Variants in AACS observed in about 807,000 individuals in gnomAD.
AACS encodes acetoacetate-CoA ligase.
Under a neutral mutation model 83.1 loss-of-function variants are expected in AACS, and 69 were observed. That is an observed-to-expected ratio of 0.83 (90% CI 0.68 to 1.01). The LOEUF (loss-of-function observed/expected upper bound fraction) is 1.01, where lower values mean the gene tolerates loss of function less well. Among genes scored for constraint, AACS ranks in the 50% least tolerant of loss-of-function variants. AACS has a pLI of 0.00. For synonymous variants in AACS, 333 were observed against 343.4 expected, an observed-to-expected ratio of 0.97 and a Z score of 0.33; for missense variants, 866 against 882.2, an observed-to-expected ratio of 0.98 and a Z score of 0.23.
rs541934183 is a variant in AACS at position 125,074,433 on chromosome 12, C to T, written c.237+454C>T. Reference sequence around the variant, plus strand: ...GTGGTGGTGCATGCCTGTGGTCCCACCTACTCAGGAGGCTGAGGTGGGAGG... The same window carrying T: ...GTGGTGGTGCATGCCTGTGGTCCCATCTACTCAGGAGGCTGAGGTGGGAGG... On this transcript the variant is annotated intron_variant, in intron 2 of 17. Transcript: ENST00000316519. Among the ~76,000 whole-genome samples, 23 of 151,776 alleles carry T rather than the reference C, an allele frequency of 1.5e-4. 1 individual carries two copies. The highest frequency in any genetic ancestry group is 5.6e-4 in the African/African-American group (23 of 41,406).
At chr12:125,087,324 G>A (rs1373391494) in intron 4 of AACS, among the ~76,000 whole-genome samples, 2 of 152,216 alleles carry the variant, frequency 1.3e-5, no homozygotes, top group Non-Finnish European at 2.9e-5. Flanking sequence ...AGCAACTGAG[G>A]ATTTCCCACG....
At chr12:125,116,659 G>A (rs1592990938) in intron 9 of AACS, among the ~76,000 whole-genome samples, 1 of 152,140 alleles carries the variant, frequency 6.6e-6, no homozygotes, top group East Asian at 1.9e-4. Flanking sequence ...TAGAGATGGG[G>A]TTTCACCGTG....
chr12:125,100,295 G>A (rs193228402), intron 5 of AACS, among the ~76,000 whole-genome samples: 80 of 152,310 alleles, frequency 5.3e-4, no homozygotes, highest in Non-Finnish European at 4.4e-5. Context: ...ATGATTTTTG[G>A]TTTTGCTGGT....
rs1359026935 is a variant in AACS, at chr12:125,091,611, C to T, written c.570+88C>T. The T allele has an allele frequency of 1.7e-5, 23 of 1,356,000 alleles. No homozygotes were observed. In the Admixed American group the frequency reaches 2.1e-4, roughly 13 times the overall value. The allele number at this position is 1,356,000 out of a possible 1,614,324, so 84.0% of individuals were successfully genotyped here. Reference sequence around the variant, plus strand: ...GCATGGGCTGAATTCCCAGGGGAGCCGGACAGCAGCGTGAGCCCAGCGGGA... The same window carrying T: ...GCATGGGCTGAATTCCCAGGGGAGCTGGACAGCAGCGTGAGCCCAGCGGGA... On this transcript the variant is annotated intron_variant, in intron 5 of 17. Coordinates refer to ENST00000316519, the MANE Select transcript of AACS (RefSeq NM_023928.5).
At chr12:125,091,222 A>G in intron 4 of AACS, 1 of 603,580 alleles carries the variant, frequency 1.7e-6, no homozygotes. Flanking sequence ...CAGAGCATGG[A>G]GAATGGATTG....
intron 5 of AACS, among the ~76,000 whole-genome samples, chr12:125,099,148 C>A (rs1956670349): frequency 6.6e-6 from 1 of 152,238 alleles, no homozygotes. Context: ...TCAGAAGCTT[C>A]CAAGATAATC....
Position 125,102,325 on chromosome 12 carries a change from C to T in AACS, c.571-354C>T, listed in dbSNP as rs572157857. 879 of 219,912 alleles carry T rather than the reference C, an allele frequency of 4.0e-3. 7 individuals are homozygous for T. Among genetic ancestry groups the T allele is most frequent in the South Asian group, 0.018 (266 of 14,446 alleles). 13.6% of individuals were successfully genotyped at this position (219,912 alleles called of 1,614,324 possible). A position where few individuals can be genotyped will look rare whatever the true frequency, so the allele number is the denominator to read the frequency against. ...TCGGCCTCTCAAAGTGCTTGGATTA[C>T]AGGTGTGAGCCAGCGCGCCCGGCCT... On this transcript the variant is annotated intron_variant, in intron 5 of 17. Transcript: ENST00000316519.
At chr12:125,076,780 C>A (rs1231987000) in intron 3 of AACS, among the ~76,000 whole-genome samples, 169 bp downstream of exon 3, 2 of 152,084 alleles carry the variant, frequency 1.3e-5, no homozygotes, top group Non-Finnish European at 2.9e-5. Flanking sequence ...GGGAAAGGGC[C>A]AGTGTGTGGT....
Position 125,073,093 on chromosome 12 carries a change from A to AT in AACS, c.134-775dup, listed in dbSNP as rs372787333. 5.0e-4 allele frequency among the ~76,000 whole-genome samples: 75 copies of AT among 151,448 alleles called. 1 individual carries two copies. Among genetic ancestry groups the AT allele is most frequent in the African/African-American group, 1.8e-3 (73 of 41,318 alleles). On this transcript the variant is annotated intron_variant, in intron 1 of 17. Transcript: ENST00000316519. The stretch of plus-strand genomic sequence containing the variant: ...AGGCACCCGCCACCATGCTCGGCTA[A>AT]TTTTTTTTGTATTTTTAGTAGAGAT...
At chr12:125,115,260 GT>G (rs1160254486) in intron 9 of AACS, among the ~76,000 whole-genome samples, 1,402 of 132,882 alleles carry the variant, frequency 0.011, 20 homozygotes, top group African/African-American at 0.034. Flanking sequence ...TCTGTGCTGA[GT>G]TTTTTTTTTT....
intron 4 of AACS, among the ~76,000 whole-genome samples, chr12:125,089,939 C>T (rs1291520170): frequency 1.3e-5 from 2 of 152,170 alleles, no homozygotes; most frequent in Admixed American, 1.3e-4. Context: ...CTATCCTCCA[C>T]CCATCATCTA....
chr12:125,076,381 T>G (rs1339844028), intron 2 of AACS, 110 bp from the exon 3 acceptor site: 1 of 1,473,642 alleles, frequency 6.8e-7, no homozygotes, highest in Non-Finnish European at 9.2e-7. Context: ...GTGAGCTGGC[T>G]TCCTGGGAAG....
At chr12:125,083,364 C>A (rs903074999) in intron 3 of AACS, among the ~76,000 whole-genome samples, 2 of 152,196 alleles carry the variant, frequency 1.3e-5, no homozygotes, top group African/African-American at 4.8e-5. Flanking sequence ...AAGTCATTGT[C>A]ATTTCCACAG....
chr12:125,115,292 G>A (rs537573335), intron 9 of AACS, among the ~76,000 whole-genome samples: 37 of 145,422 alleles, frequency 2.5e-4, no homozygotes, highest in Admixed American at 9.7e-4. Context: ...ATGAAGTCTA[G>A]CTGTGTCGCC....
intron 5 of AACS, chr12:125,101,403 T>G (rs1956705170): frequency 1.3e-5 from 2 of 152,224 alleles, no homozygotes; most frequent in Admixed American, 6.5e-5. Context: ...ATCCTGCCTT[T>G]TAAGATGGGG....
chr12:125,093,802 C>T (rs1402842507), intron 5 of AACS, among the ~76,000 whole-genome samples: 1 of 152,222 alleles, frequency 6.6e-6, no homozygotes, highest in Non-Finnish European at 1.5e-5. Flanking sequence ...CTCCATCCTG[C>T]CGGAGACGGG....
At chr12:125,116,836 A>G (rs1957061344) in intron 9 of AACS, among the ~76,000 whole-genome samples, 1 of 151,362 alleles carries the variant, frequency 6.6e-6, no homozygotes, top group South Asian at 2.1e-4. Context: ...CCCAGGCTAT[A>G]CTGTGACCCA....
intron 1 of AACS, among the ~76,000 whole-genome samples, chr12:125,066,575 G>A (rs1341921521): frequency 2.0e-5 from 3 of 150,380 alleles, no homozygotes; most frequent in East Asian, 4.0e-4. Context: ...TCAGCCTCCC[G>A]AGTAGCTGGG....
intron 8 of AACS, among the ~76,000 whole-genome samples, chr12:125,111,906 AG>A (rs2136107024): frequency 6.6e-6 from 1 of 152,318 alleles, no homozygotes; most frequent in African/African-American, 2.4e-5. Context: ...TTGAGAGAGG[AG>A]GAGGGCCCAT....
Sources: gnomAD v4.1 joint callset for allele counts (sites outside exome capture counted in the v4.1 genomes callset) on GRCh38, gnomAD v4.1.1 for gene constraint, MANE v1.5 for transcripts, NCBI Gene and HGNC (gene_info 2026-07-23, HGNC 2026-07-21) for gene names.